SPIN1: variants seen among roughly 807,000 people sequenced by gnomAD.
SPIN1 encodes the protein spindlin 1.
Under a neutral mutation model 26.0 loss-of-function variants are expected in SPIN1, and 3 were observed. The ratio of observed to expected loss-of-function variants is 0.12; its 90% CI spans 0.05 to 0.30. The LOEUF (loss-of-function observed/expected upper bound fraction) is 0.30. Ranked by LOEUF, SPIN1 falls within the 10% of genes least tolerant of loss-of-function variation. The pLI, the probability that SPIN1 is intolerant of heterozygous loss-of-function variation, is 1.00. For missense variants in SPIN1, 126 were observed against 333.4 expected, an observed-to-expected ratio of 0.38 and a Z score of 4.84; for synonymous variants, 101 against 116.5, an observed-to-expected ratio of 0.87 and a Z score of 0.86.
At chr9:88,428,399 T>A (rs569854674) in intron 2 of SPIN1, among the ~76,000 whole-genome samples, 1 of 152,314 alleles carries the variant, frequency 6.6e-6, no homozygotes, top group East Asian at 1.9e-4. Flanking sequence ...AACCCAAGAT[T>A]TAGCTCCAAC....
At chr9:88,433,068 T>G (rs1026590610) in intron 2 of SPIN1, among the ~76,000 whole-genome samples, 4 of 151,974 alleles carry the variant, frequency 2.6e-5, no homozygotes, top group African/African-American at 9.7e-5. Context: ...CTTATGTTTC[T>G]GGGGATATAA....
chr9:88,404,915 C>CAAA (rs112038274), intron 1 of SPIN1, among the ~76,000 whole-genome samples: 1 of 83,856 alleles, frequency 1.2e-5, no homozygotes, highest in African/African-American at 3.3e-5. Context: ...GATTTCGTCT[C>CAAA]AAAAAAAAAA....
At chr9:88,419,739 A>G (rs909623426) in intron 1 of SPIN1, among the ~76,000 whole-genome samples, 10 of 152,328 alleles carry the variant, frequency 6.6e-5, no homozygotes, top group African/African-American at 1.7e-4. Flanking sequence ...TGCCATGTTC[A>G]TGTTGAATGG....
chr9:88,433,357 A>G (rs1827923391), intron 2 of SPIN1, among the ~76,000 whole-genome samples: 1 of 152,222 alleles, frequency 6.6e-6, no homozygotes, highest in Non-Finnish European at 1.5e-5. Context: ...TGCTGGGACT[A>G]CAGTCATGCA....
At chr9:88,392,140 T>C (rs1299253921) in intron 1 of SPIN1, among the ~76,000 whole-genome samples, 1 of 152,216 alleles carries the variant, frequency 6.6e-6, no homozygotes, top group Non-Finnish European at 1.5e-5. Context: ...CAGTAGATGT[T>C]GATTTCCTTC....
intron 3 of SPIN1, among the ~76,000 whole-genome samples, chr9:88,452,405 T>C (rs147292346): frequency 6.1e-4 from 93 of 152,326 alleles, no homozygotes; most frequent in African/African-American, 2.0e-3. Flanking sequence ...TCTCAGAAAT[T>C]GGTTATTTCA....
chr9:88,406,278 CA>C (rs1377505244), intron 1 of SPIN1, among the ~76,000 whole-genome samples: 1 of 149,006 alleles, frequency 6.7e-6, no homozygotes. Flanking sequence ...TTCTTGCCAA[CA>C]GTATATACTA....
At chr9:88,409,722 C>T (rs1827396501) in intron 1 of SPIN1, among the ~76,000 whole-genome samples, 1 of 151,820 alleles carries the variant, frequency 6.6e-6, no homozygotes, top group South Asian at 2.1e-4. Context: ...CCTGTAGTCC[C>T]AGCTACTCAG....
intron 1 of SPIN1, among the ~76,000 whole-genome samples, chr9:88,391,060 T>G (rs1047681622): frequency 1.3e-5 from 2 of 152,164 alleles, no homozygotes; most frequent in African/African-American, 4.8e-5. Flanking sequence ...CTTGAACTCT[T>G]GGGTTGGGCT....
At chr9:88,461,179 C>T (rs1828571331) in intron 3 of SPIN1, among the ~76,000 whole-genome samples, 1 of 152,200 alleles carries the variant, frequency 6.6e-6, no homozygotes, top group Non-Finnish European at 1.5e-5. Context: ...CTGCTTTCCT[C>T]ACCCTGTGGT....
At chr9:88,457,033 A>T (rs1320508017) in intron 3 of SPIN1, among the ~76,000 whole-genome samples, 1 of 152,200 alleles carries the variant, frequency 6.6e-6, no homozygotes, top group African/African-American at 2.4e-5. Flanking sequence ...TTTCTTCAAG[A>T]TGAAAAGTAT....
At chr9:88,470,077 C>A (rs576566956) in intron 5 of SPIN1, among the ~76,000 whole-genome samples, 2 of 152,258 alleles carry the variant, frequency 1.3e-5, no homozygotes, top group East Asian at 3.9e-4. Flanking sequence ...GGTGTGAGGT[C>A]CTTTGTGCTA....
chr9:88,442,668 A>G (rs1415984338), intron 2 of SPIN1, among the ~76,000 whole-genome samples: 4 of 150,992 alleles, frequency 2.6e-5, no homozygotes, highest in Non-Finnish European at 5.9e-5. Context: ...TACAGGTGTG[A>G]GCCACCATGC....
intron 1 of SPIN1, chr9:88,410,945 T>C (rs1439036221): frequency 1.7e-6 from 2 of 1,171,726 alleles, no homozygotes; most frequent in Non-Finnish European, 2.5e-6. Flanking sequence ...TTCACAATTG[T>C]TGCCATTCAC....
chr9:88,455,552 T>C (rs979698987), intron 3 of SPIN1, among the ~76,000 whole-genome samples: 2 of 152,244 alleles, frequency 1.3e-5, no homozygotes, highest in African/African-American at 4.8e-5. Flanking sequence ...GAAAACTTAT[T>C]TATAATGCCA....
chr9:88,451,705 C>T (rs997366126), intron 3 of SPIN1, among the ~76,000 whole-genome samples: 5 of 152,130 alleles, frequency 3.3e-5, no homozygotes, highest in African/African-American at 7.2e-5. Context: ...AGACCACAGG[C>T]GTGCCGCAGC....
intron 2 of SPIN1, among the ~76,000 whole-genome samples, chr9:88,444,164 A>C (rs1248602566): frequency 6.6e-6 from 1 of 151,190 alleles, no homozygotes; most frequent in Admixed American, 6.6e-5. Flanking sequence ...GAAGCTTTTT[A>C]AGTGCCAGAT....
intron 1 of SPIN1, among the ~76,000 whole-genome samples, chr9:88,393,447 T>G (rs1334181919): frequency 2.3e-5 from 2 of 87,880 alleles, no homozygotes; most frequent in Non-Finnish European, 4.2e-5. Context: ...GCTTTTGGGT[T>G]TTTTTTTTTT....
chr9:88,427,041 C>T (rs1827777025), intron 2 of SPIN1, among the ~76,000 whole-genome samples: 1 of 152,058 alleles, frequency 6.6e-6, no homozygotes, highest in Non-Finnish European at 1.5e-5. Flanking sequence ...ATTTTTGTGG[C>T]ACATAGCTAG....
Sources: gnomAD v4.1 joint callset for allele counts (sites outside exome capture counted in the v4.1 genomes callset) on GRCh38, gnomAD v4.1.1 for gene constraint, MANE v1.5 for transcripts, NCBI Gene and HGNC (gene_info 2026-07-23, HGNC 2026-07-21) for gene names.